The following GRM5 variants were observed in gnomAD, a reference collection of about 807,000 sequenced individuals.
The protein encoded by GRM5 is metabotropic glutamate receptor 5.
Under a neutral mutation model 83.1 loss-of-function variants are expected in GRM5, and 19 were observed. That is an observed-to-expected ratio of 0.23 (90% CI 0.16 to 0.34). The LOEUF (loss-of-function observed/expected upper bound fraction) is 0.34, where lower values mean the gene tolerates loss of function less well. Ranked by LOEUF, GRM5 falls within the 10% of genes least tolerant of loss-of-function variation. The pLI, the probability that GRM5 is intolerant of heterozygous loss-of-function variation, is 1.00. For synonymous variants in GRM5, 675 were observed against 633.6 expected (o/e 1.07, Z -0.98); for missense variants, 1,160 against 1,588.3 (o/e 0.73, Z 4.58).
intron 2 of GRM5, among the ~76,000 whole-genome samples, chr11:88,893,917 G>A (rs11021658): frequency 0.019 from 2,884 of 152,096 alleles, 46 homozygotes; most frequent in East Asian, 0.067. Flanking sequence ...TAGCAAGGGT[G>A]TAACAGTCTT....
intron 1 of GRM5, among the ~76,000 whole-genome samples, chr11:89,061,113 A>G (rs970471485): frequency 3.9e-5 from 6 of 152,160 alleles, no homozygotes; most frequent in African/African-American, 9.6e-5. Context: ...AAAAAGTAGT[A>G]TCTAATATTT....
At chr11:89,054,678 T>C (rs1161399856) in intron 1 of GRM5, among the ~76,000 whole-genome samples, 3 of 152,062 alleles carry the variant, frequency 2.0e-5, no homozygotes, top group African/African-American at 7.3e-5. Context: ...CAAAGGAGAC[T>C]GAACGATTTT....
At chr11:88,949,643 A>T (rs967667147) in intron 2 of GRM5, among the ~76,000 whole-genome samples, 3 of 152,208 alleles carry the variant, frequency 2.0e-5, no homozygotes, top group African/African-American at 7.2e-5. Context: ...TAACGCATAG[A>T]TTTTTAAAGA....
At chr11:88,537,644 A>G (rs745885450) in intron 8 of GRM5, among the ~76,000 whole-genome samples, 9 of 152,122 alleles carry the variant, frequency 5.9e-5, no homozygotes, top group South Asian at 2.1e-4. Flanking sequence ...ATTGCAAGGT[A>G]ATTCCTTTCT....
intron 2 of GRM5, among the ~76,000 whole-genome samples, chr11:88,937,178 C>A (rs962479371): frequency 2.0e-5 from 3 of 151,664 alleles, no homozygotes; most frequent in Admixed American, 6.6e-5. Context: ...GAGGGACCAA[C>A]TGGGTTTGAC....
At chr11:88,671,643 T>C (rs1212991245) in intron 3 of GRM5, among the ~76,000 whole-genome samples, 1 of 151,978 alleles carries the variant, frequency 6.6e-6, no homozygotes, top group Admixed American at 6.6e-5. Context: ...ATAATAAACA[T>C]AATACCAAGT....
At chr11:88,915,304 G>A (rs1945570137) in intron 2 of GRM5, among the ~76,000 whole-genome samples, 1 of 152,052 alleles carries the variant, frequency 6.6e-6, no homozygotes. Flanking sequence ...AAGATTGGTG[G>A]TTTATAAAAC....
chr11:88,917,781 CACAG>C (rs750874648), intron 2 of GRM5, among the ~76,000 whole-genome samples: 4 of 151,816 alleles, frequency 2.6e-5, no homozygotes, highest in African/African-American at 7.3e-5. Context: ...TTTGAAAACA[CACAG>C]ACAGAGGAAA....
intron 3 of GRM5, among the ~76,000 whole-genome samples, chr11:88,821,104 G>A (rs1022919086): frequency 2.0e-5 from 3 of 152,022 alleles, no homozygotes; most frequent in Non-Finnish European, 2.9e-5. Context: ...TTGAATTCCC[G>A]AAAGGGCTCT....
intron 3 of GRM5, among the ~76,000 whole-genome samples, chr11:88,776,541 C>T (rs1334401166): frequency 1.3e-5 from 2 of 152,174 alleles, no homozygotes; most frequent in South Asian, 4.1e-4. Context: ...CATCGATGGT[C>T]TTTACAATTT....
chr11:88,705,080 A>G (rs929611355), intron 3 of GRM5, among the ~76,000 whole-genome samples: 7 of 152,146 alleles, frequency 4.6e-5, no homozygotes, highest in African/African-American at 1.7e-4. Flanking sequence ...GTAAGAAACT[A>G]CATATGTTAT....
At chr11:88,623,061 T>G (rs1334614400) in intron 4 of GRM5, among the ~76,000 whole-genome samples, 1 of 152,020 alleles carries the variant, frequency 6.6e-6, no homozygotes, top group Non-Finnish European at 1.5e-5. Flanking sequence ...ATGATAATGA[T>G]GATGGTAATA....
chr11:88,639,591 A>AT (rs112279173), intron 4 of GRM5, among the ~76,000 whole-genome samples: 2,965 of 142,658 alleles, frequency 0.021, 39 homozygotes, highest in Non-Finnish European at 0.023. Flanking sequence ...CTGCAAGTTC[A>AT]TTTTTTTTTT....
At chr11:88,654,425 C>T (rs916334616) in intron 3 of GRM5, among the ~76,000 whole-genome samples, 4 of 152,036 alleles carry the variant, frequency 2.6e-5, no homozygotes, top group Non-Finnish European at 5.9e-5. Flanking sequence ...ACAGTTTGTG[C>T]TGTATATCTG....
intron 8 of GRM5, among the ~76,000 whole-genome samples, chr11:88,533,848 CG>C (rs1942073445): frequency 6.6e-6 from 1 of 152,096 alleles, no homozygotes; most frequent in Non-Finnish European, 1.5e-5. Flanking sequence ...AAAGTGGTTT[CG>C]TGGGCCAGGC....
chr11:88,773,198 C>T (rs988918234), intron 3 of GRM5, among the ~76,000 whole-genome samples: 1 of 152,132 alleles, frequency 6.6e-6, no homozygotes, highest in Non-Finnish European at 1.5e-5. Flanking sequence ...CTCTGATGGC[C>T]AGTGATGATG....
chr11:88,542,133 T>TACTAC (rs1942281453), intron 8 of GRM5, among the ~76,000 whole-genome samples: 1 of 152,192 alleles, frequency 6.6e-6, no homozygotes, highest in African/African-American at 2.4e-5. Flanking sequence ...AGTACCTTTA[T>TACTAC]AGAAGGGTGA....
chr11:88,613,766 T>C (rs1938392552), intron 4 of GRM5, among the ~76,000 whole-genome samples: 1 of 152,174 alleles, frequency 6.6e-6, no homozygotes, highest in Admixed American at 6.6e-5. Context: ...CCAAGAACAC[T>C]TCCTTCATGA....
rs976139980 is a variant in GRM5 at position 88,567,980 on chromosome 11, A to G, written c.1703T>C (p.Ile568Thr). The G allele has an allele frequency of 1.2e-6, 2 of 1,609,750 alleles. No individual in the cohort carries two copies. The highest frequency in any genetic ancestry group is 2.2e-5 in the East Asian group (1 of 44,748). The change falls in exon 8 of 10, where the codon ATC (isoleucine) becomes ACC (threonine). Residue 568 changes from isoleucine (I) to threonine (T), a missense_variant. Coordinates refer to ENST00000305447, the MANE Select transcript of GRM5 (RefSeq NM_001143831.3). This position sits in a 1 kb window ranked among gnomAD's most constrained non-coding sequence, Gnocchi z 7.3. ...PTDDLTGCDL[I>T]PVQYLRWGDP... ...ACCCCATCGAAGATACTGTACTGGG[A>G]TCAAGTCACAACCTGCAGAGACACA...
Sources: gnomAD v4.1 joint callset for allele counts (sites outside exome capture counted in the v4.1 genomes callset) on GRCh38, gnomAD v4.1.1 for gene constraint, Gnocchi (gnomAD v3.1) non-coding constraint, MANE v1.5 for transcripts, NCBI Gene and HGNC (gene_info 2026-07-23, HGNC 2026-07-21) for gene names.